The following RSBN1L variants were observed in gnomAD, a reference collection of about 807,000 sequenced individuals.
RSBN1L encodes the protein round spermatid basic protein 1 like, also known as lysine-specific demethylase RSBN1L.
A neutral mutation model predicts 67.7 loss-of-function variants in RSBN1L; 30 were observed. The ratio of observed to expected loss-of-function variants is 0.44; its 90% CI spans 0.33 to 0.60. The LOEUF is 0.60. RSBN1L is among the 20% of genes least tolerant of loss of function. The probability of loss-of-function intolerance (pLI) is 0.02; values close to 1 mark genes in which losing one functional copy is unlikely to be tolerated. For missense variants in RSBN1L, 992 were observed against 1,031.7 expected, an observed-to-expected ratio of 0.96 and a Z score of 0.53; for synonymous variants, 433 against 387.0, an observed-to-expected ratio of 1.12 and a Z score of -1.39.
chr7:77,782,861 T>G lies in RSBN1L; in HGVS notation c.*3693T>G, dbSNP rs190523136. The G allele has an allele frequency of 6.6e-6, 1 of 152,186 alleles. No homozygotes were observed. The highest frequency in any genetic ancestry group is 1.5e-5 in the Non-Finnish European group (1 of 68,020). 9.4% of individuals were successfully genotyped at this position (152,186 alleles called of 1,614,324 possible). ...TTGTAAATAATAAACTAGCACCGTT[T>G]GGGTAAATTTGCATTATTTTTTGGA... On this transcript the variant is annotated 3_prime_UTR_variant, in exon 8 of 8. Coordinates refer to ENST00000334955, the MANE Select transcript of RSBN1L (RefSeq NM_198467.3).
At chr7:77,756,551 C>T (rs2150428218) in intron 3 of RSBN1L, among the ~76,000 whole-genome samples, 1 of 151,910 alleles carries the variant, frequency 6.6e-6, no homozygotes, top group East Asian at 1.9e-4. Flanking sequence ...CTGAGCTGGG[C>T]GGATCACAAG....
chr7:77,745,622 G>A (rs1791472370), intron 2 of RSBN1L, among the ~76,000 whole-genome samples: 2 of 152,184 alleles, frequency 1.3e-5, no homozygotes. Context: ...CTTTAATGCA[G>A]TGGTCCCCAA....
intron 6 of RSBN1L, among the ~76,000 whole-genome samples, chr7:77,775,038 A>T (rs1445028300): frequency 2.0e-5 from 3 of 151,978 alleles, no homozygotes; most frequent in Non-Finnish European, 4.4e-5. Flanking sequence ...ATATTTATTT[A>T]TTTTTACATT....
chr7:77,713,429 T>A (rs1791002739), intron 1 of RSBN1L, among the ~76,000 whole-genome samples: 1 of 151,724 alleles, frequency 6.6e-6, no homozygotes, highest in Non-Finnish European at 1.5e-5. Context: ...TGATATCAGC[T>A]CACTGCAAGC....
intron 1 of RSBN1L, among the ~76,000 whole-genome samples, chr7:77,698,024 A>C (rs1790764079): frequency 6.6e-6 from 1 of 152,022 alleles, no homozygotes; most frequent in African/African-American, 2.4e-5. Context: ...CAGTGTTGTC[A>C]AATAACTCTT....
intron 4 of RSBN1L, 53 bp from the exon 5 acceptor site, chr7:77,768,608 C>T (rs1166490384): frequency 4.6e-6 from 7 of 1,505,634 alleles, no homozygotes; most frequent in East Asian, 4.5e-5. Context: ...TTAACATACA[C>T]TTGAAGATAC....
At chr7:77,710,438 T>C (rs527423521) in intron 1 of RSBN1L, among the ~76,000 whole-genome samples, 1 of 152,252 alleles carries the variant, frequency 6.6e-6, no homozygotes, top group African/African-American at 2.4e-5. Flanking sequence ...CCGTTTTCTT[T>C]CCATCCCCAG....
At chr7:77,751,231 C>T (rs1246703647) in intron 3 of RSBN1L, among the ~76,000 whole-genome samples, 1 of 152,140 alleles carries the variant, frequency 6.6e-6, no homozygotes, top group Non-Finnish European at 1.5e-5. Flanking sequence ...CCTCTGCCTT[C>T]CGGGTTCAAG....
chr7:77,778,886 A>G lies in RSBN1L; in HGVS notation c.2259A>G (p.Lys753=), dbSNP rs755442747. ...CTAAATATGAATTACAGCAGATTAA[A>G]CATGAACCTATTGCATCTGTAAGAA... ...LHSKYELQQI[K]HEPIASVRIK... is the part of the protein sequence containing the mutation. The change falls in exon 8 of 8, where the codon AAA becomes AAG. Residue 753 remains lysine, a synonymous_variant. Transcript: ENST00000334955. 4.3e-6 allele frequency: 7 copies of G among 1,614,094 alleles called. No homozygotes were observed. In the African/African-American group the frequency reaches 9.3e-5, roughly 22 times the overall value.
intron 1 of RSBN1L, among the ~76,000 whole-genome samples, chr7:77,700,563 T>C (rs1255584265): frequency 1.3e-5 from 2 of 152,206 alleles, no homozygotes; most frequent in Non-Finnish European, 2.9e-5. Flanking sequence ...GATGGGTGTC[T>C]GAAGATTTTT....
intron 2 of RSBN1L, among the ~76,000 whole-genome samples, chr7:77,748,896 CGTCT>C (rs77607499): frequency 0.56 from 85,138 of 151,480 alleles, 25,898 homozygotes; most frequent in African/African-American, 0.81. Context: ...GCTCTATGCC[CGTCT>C]GTCTGTCTGT....
At chr7:77,721,500 T>G (rs188675817) in intron 1 of RSBN1L, among the ~76,000 whole-genome samples, 66 of 152,258 alleles carry the variant, frequency 4.3e-4, no homozygotes, top group Non-Finnish European at 9.1e-4. Flanking sequence ...AGGAGGAGGA[T>G]ATGATCATTT....
chr7:77,756,983 C>T (rs1791628435), intron 3 of RSBN1L, among the ~76,000 whole-genome samples: 1 of 152,196 alleles, frequency 6.6e-6, no homozygotes, highest in Non-Finnish European at 1.5e-5. Context: ...CCACCAATAG[C>T]TGTGGAACCC....
intron 2 of RSBN1L, among the ~76,000 whole-genome samples, chr7:77,741,601 A>G (rs561484207): frequency 6.6e-6 from 1 of 151,508 alleles, no homozygotes; most frequent in African/African-American, 2.4e-5. Flanking sequence ...CTGAGGCAGG[A>G]GAATGGTGTG....
chr7:77,718,475 G>A (rs946573426), intron 1 of RSBN1L, among the ~76,000 whole-genome samples: 4 of 151,978 alleles, frequency 2.6e-5, no homozygotes, highest in African/African-American at 9.7e-5. Context: ...ATTTTTTATA[G>A]AGATGAGGTT....
At chr7:77,709,884 T>G (rs1026341977) in intron 1 of RSBN1L, among the ~76,000 whole-genome samples, 1 of 152,222 alleles carries the variant, frequency 6.6e-6, no homozygotes, top group Admixed American at 6.5e-5. Context: ...TCCTTAGATA[T>G]TTTTTAAACT....
In RSBN1L at chr7:77,742,604, G is replaced by A. The variant is rs1045466333; in HGVS notation, c.703+6078G>A. The stretch of plus-strand genomic sequence containing the variant: ...TGTAATCCCAGCACTTTGGGAGGCC[G>A]AGGCACGCAGATCACTTGAGGTCAG... On this transcript the variant is annotated intron_variant, in intron 2 of 7. Coordinates refer to ENST00000334955, the MANE Select transcript of RSBN1L (RefSeq NM_198467.3). 2.0e-5 allele frequency among the ~76,000 whole-genome samples: 3 copies of A among 152,088 alleles called. No individual in the cohort carries two copies. In the South Asian group the frequency reaches 6.2e-4, roughly 32 times the overall value.
intron 3 of RSBN1L, among the ~76,000 whole-genome samples, chr7:77,762,435 C>A (rs564588487): frequency 4.6e-5 from 7 of 152,166 alleles, no homozygotes; most frequent in African/African-American, 1.4e-4. Flanking sequence ...TAGGTCTATA[C>A]TAATTTAGAC....
chr7:77,738,920 CAG>C (rs1260501282), intron 2 of RSBN1L, among the ~76,000 whole-genome samples: 4 of 152,126 alleles, frequency 2.6e-5, no homozygotes, highest in Non-Finnish European at 5.9e-5. Context: ...GCCTGGGCAA[CAG>C]AGAGAGACTC....
Sources: gnomAD v4.1 joint callset for allele counts (sites outside exome capture counted in the v4.1 genomes callset) on GRCh38, gnomAD v4.1.1 for gene constraint, MANE v1.5 for transcripts, NCBI Gene and HGNC (gene_info 2026-07-23, HGNC 2026-07-21) for gene names.